Variants in DENND4B observed in about 807,000 individuals in gnomAD.
The protein encoded by DENND4B is DENN domain-containing protein 4B.
DENND4B carries 67 observed loss-of-function variants against 161.0 expected under a neutral mutation model. The observed-to-expected ratio is 0.42, with a 90% CI of 0.34 to 0.51. The LOEUF is 0.51. Ranked by LOEUF, DENND4B falls within the 20% of genes least tolerant of loss-of-function variation. The probability of loss-of-function intolerance (pLI) is 0.08; values close to 1 mark genes in which losing one functional copy is unlikely to be tolerated. For missense variants in DENND4B, 1,481 were observed against 1,968.0 expected (o/e 0.75, Z 4.68); for synonymous variants, 753 against 813.8 (o/e 0.93, Z 1.27).
intron 6 of DENND4B, 90 bp from the exon 7 acceptor site, chr1:153,941,530 G>T: frequency 6.9e-7 from 1 of 1,443,684 alleles, no homozygotes; most frequent in Non-Finnish European, 9.3e-7. Flanking sequence ...TTGTTCTCAA[G>T]AACCTTATTC....
intron 6 of DENND4B, 115 bp from the exon 7 acceptor site, chr1:153,941,555 C>G: frequency 7.8e-7 from 1 of 1,287,472 alleles, no homozygotes; most frequent in Non-Finnish European, 1.1e-6. Flanking sequence ...CTGAACCCCA[C>G]TTTGAGACCT....
intron 6 of DENND4B, 108 bp from the exon 7 acceptor site, chr1:153,941,548 A>T (rs1679672400): frequency 8.1e-6 from 11 of 1,352,112 alleles, no homozygotes; most frequent in Non-Finnish European, 1.0e-5. Flanking sequence ...TTCCTTCCTG[A>T]ACCCCACTTT....
chr1:153,941,551 C>T (rs959145274), intron 6 of DENND4B, 111 bp from the exon 7 acceptor site: 2 of 1,335,322 alleles, frequency 1.5e-6, no homozygotes, highest in African/African-American at 1.5e-5. Context: ...CTTCCTGAAC[C>T]CCACTTTGAG....
At position 153,942,369 on chromosome 1, in the gene DENND4B, C is replaced by G. The variant is rs1161135322; in HGVS notation, c.641-13G>C. On this transcript the variant is annotated splice_polypyrimidine_tract_variant and intron_variant, in intron 4 of 27. Coordinates refer to ENST00000361217, the MANE Select transcript of DENND4B (RefSeq NM_014856.3). The surrounding 1 kb of genome is among the most constrained non-coding windows in gnomAD (Gnocchi z 6.9). ...CGGCCCAGCAGCTCTGCACCCCCAG[C>G]ATAGTTGGGGGTACCCAAAAGGAGC... 1 of 1,607,134 alleles carries G rather than the reference C, an allele frequency of 6.2e-7. No individual in the cohort carries two copies. Among genetic ancestry groups the G allele is most frequent in the South Asian group, 1.1e-5 (1 of 90,266 alleles).
rs942684344 is a variant in DENND4B, at chr1:153,933,547, G to A, written c.3266C>T (p.Ala1089Val). 1.9e-5 allele frequency: 30 copies of A among 1,548,736 alleles called. No homozygotes were observed. Among genetic ancestry groups the A allele is most frequent in the Non-Finnish European group, 2.4e-5 (28 of 1,150,162 alleles). Residue 1089 changes from alanine to valine, a missense_variant, in exon 20 of 28, where the codon GCC becomes GTC. Transcript: ENST00000361217. The surrounding 1 kb of genome is among the most constrained non-coding windows in gnomAD (Gnocchi z 5.7). ...PELPPDLPPP[A>V]RRSPMDSLLH... ...AAGACTGTCCATGGGGCTGCGGCGG[G>A]CTGGGGGTGGCAGGTCAGGAGGCAG...
intron 2 of DENND4B, among the ~76,000 whole-genome samples, chr1:153,943,831 G>A (rs1391908347): frequency 6.6e-6 from 1 of 152,120 alleles, no homozygotes; most frequent in Non-Finnish European, 1.5e-5. Context: ...GCCCAGAGGA[G>A]CTCAAAAACC....
rs752384901 is a variant in DENND4B, at chr1:153,942,331, C to T, written c.666G>A (p.Glu222=). 1.9e-6 allele frequency: 3 copies of T among 1,613,086 alleles called. No homozygotes were observed. The highest frequency in any genetic ancestry group is 1.7e-6 in the Non-Finnish European group (2 of 1,179,574). The change falls in exon 5 of 28, where the codon GAG becomes GAA. Residue 222 remains glutamate (E), a synonymous_variant. Coordinates refer to ENST00000361217, the MANE Select transcript of DENND4B (RefSeq NM_014856.3). This position sits in a 1 kb window ranked among gnomAD's most constrained non-coding sequence, Gnocchi z 6.9. ...EAELLGRYPE[E]DNEAFPLPES... is the part of the protein sequence containing the mutation. ...CGGGCAGCGGGAACGCCTCATTGTC[C>T]TCCTCCGGGTAGCGGCCCAGCAGCT...
chr1:153,940,685 C>A lies in DENND4B; in HGVS notation c.1327-79G>T. 6.5e-7 allele frequency: 1 copy of A among 1,544,400 alleles called. No individual in the cohort carries two copies. On this transcript the variant is annotated intron_variant, in intron 9 of 27. Coordinates refer to ENST00000361217, the MANE Select transcript of DENND4B (RefSeq NM_014856.3). This position sits in a 1 kb window ranked among gnomAD's most constrained non-coding sequence, Gnocchi z 5.6. ...AGGCACAGGAGAGAGAAAGAGAGGG[C>A]ATTGGCCTTGGGGAGTTGGTGCCTG...
chr1:153,938,763 A>G, intron 13 of DENND4B, 137 bp downstream of exon 13: 1 of 455,678 alleles, frequency 2.2e-6, no homozygotes, highest in Non-Finnish European at 3.5e-6. Context: ...ATAAATAAAT[A>G]AATAAAATAA....
At chr1:153,938,588 G>T (rs1438710982) in intron 13 of DENND4B, among the ~76,000 whole-genome samples, 3 of 151,488 alleles carry the variant, frequency 2.0e-5, no homozygotes, top group Non-Finnish European at 4.4e-5. Flanking sequence ...TGTAGTCTCA[G>T]CTACTTAGGA....
In DENND4B at chr1:153,936,822, T is replaced by C. The variant is rs1571044819; in HGVS notation, c.2233-74A>G. ...CTTACTTATCTATTTATTTATTTAT[T>C]TATGACGGTCTCGCTCTGTCACCCA... On this transcript the variant is annotated intron_variant, in intron 15 of 27. Coordinates refer to ENST00000361217, the MANE Select transcript of DENND4B (RefSeq NM_014856.3). The surrounding 1 kb of genome is among the most constrained non-coding windows in gnomAD (Gnocchi z 4.1). The C allele has an allele frequency of 5.2e-6, 7 of 1,357,840 alleles. No individual in the cohort carries two copies. In the East Asian group the frequency reaches 1.9e-4, roughly 36 times the overall value. The allele number at this position is 1,357,840 out of a possible 1,614,324, so 84.1% of individuals were successfully genotyped here. A position where few individuals can be genotyped will look rare whatever the true frequency, so the allele number is the denominator to read the frequency against.
chr1:153,943,175 G>A (rs1225580355), intron 2 of DENND4B, 45 bp from the exon 3 acceptor site: 4 of 1,571,204 alleles, frequency 2.5e-6, no homozygotes, highest in Admixed American at 1.7e-5. Context: ...TCAGGGTAGA[G>A]GACAAAGACC....
chr1:153,939,493 G>T, intron 12 of DENND4B, 96 bp downstream of exon 12: 1 of 1,342,988 alleles, frequency 7.4e-7, no homozygotes, highest in Non-Finnish European at 1.0e-6. Flanking sequence ...ATAAACAATG[G>T]AGTGGCTCCC....
At chr1:153,939,105 T>C (rs1220992100) in intron 12 of DENND4B, 60 bp from the exon 13 acceptor site, 18 of 1,577,788 alleles carry the variant, frequency 1.1e-5, no homozygotes, top group Non-Finnish European at 1.4e-5. Flanking sequence ...ACCACAGCCA[T>C]AGCTTTTTTG....
At position 153,932,413 on chromosome 1, in the gene DENND4B, C is replaced by A. The variant is rs765609622; in HGVS notation, c.3787G>T (p.Ala1263Ser). ...GGASRRVESG[A>S]WAYLSPLVLR... is the part of the protein sequence containing the mutation. The stretch of plus-strand genomic sequence containing the variant: ...ACCAGGGGGCTCAGGTATGCCCATG[C>A]CCCACTCTCAACCCGCCGGGAGGCT... The change falls in exon 24 of 28, where the codon GCA becomes TCA. Residue 1263 changes from alanine to serine, a missense_variant. Physicochemically the swap from Ala to Ser is moderately conservative, Grantham distance 99. Transcript: ENST00000361217. This position sits in a 1 kb window ranked among gnomAD's most constrained non-coding sequence, Gnocchi z 5.8. 3.1e-5 allele frequency: 50 copies of A among 1,612,116 alleles called. No individual in the cohort carries two copies. Among genetic ancestry groups the A allele is most frequent in the African/African-American group, 1.3e-5 (1 of 74,908 alleles).
rs1158138268 is a variant in DENND4B, at chr1:153,937,109, G to C, written c.2233-361C>G. Among the ~76,000 whole-genome samples the C allele has an allele frequency of 1.3e-5, 2 of 152,196 alleles. No homozygotes were observed. The highest frequency in any genetic ancestry group is 1.5e-5 in the Non-Finnish European group (1 of 68,026). On this transcript the variant is annotated intron_variant, in intron 15 of 27. Transcript: ENST00000361217. This position sits in a 1 kb window ranked among gnomAD's most constrained non-coding sequence, Gnocchi z 4.7. ...CAGGACAGACCCTAAAGTGGTGTGG[G>C]AAGAAGTAGCACCTTCTCTGAGGAA...
rs1184813194 is a variant in DENND4B at position 153,936,279 on chromosome 1, T to C, written c.2440-91A>G. 6.7e-7 allele frequency: 1 copy of C among 1,500,898 alleles called. No individual in the cohort carries two copies. Among genetic ancestry groups the C allele is most frequent in the East Asian group, 2.5e-5 (1 of 40,516 alleles). The allele number at this position is 1,500,898 out of a possible 1,614,324, so 93.0% of individuals were successfully genotyped here. On this transcript the variant is annotated intron_variant, in intron 16 of 27. Transcript: ENST00000361217. This position sits in a 1 kb window ranked among gnomAD's most constrained non-coding sequence, Gnocchi z 4.1. ...CACCCTCTTCCTGCCTCCCCAATTCTCACAGACATCACTGGCCCCTGGCAG... is the reference window on the plus strand; with the variant it reads ...CACCCTCTTCCTGCCTCCCCAATTCCCACAGACATCACTGGCCCCTGGCAG...
Position 153,930,937 on chromosome 1 carries a change from C to T in DENND4B, c.4114+10G>A, listed in dbSNP as rs761608952. ...CCACCCTCCCCACCCAGGCCAAATA[C>T]CAGACTCACTGTGGACCCTCCAGAG... On this transcript the variant is annotated intron_variant, in intron 25 of 27. Coordinates refer to ENST00000361217, the MANE Select transcript of DENND4B (RefSeq NM_014856.3). The surrounding 1 kb of genome is among the most constrained non-coding windows in gnomAD (Gnocchi z 4.7). 4 of 802,402 alleles carry T rather than the reference C, an allele frequency of 5.0e-6. No individual in the cohort carries two copies. The highest frequency in any genetic ancestry group is 7.9e-6 in the Non-Finnish European group (4 of 504,558). The allele number at this position is 802,402 out of a possible 1,614,324, so 49.7% of individuals were successfully genotyped here.
At chr1:153,935,564 C>A (rs974551456) in intron 17 of DENND4B, among the ~76,000 whole-genome samples, 2 of 152,222 alleles carry the variant, frequency 1.3e-5, no homozygotes, top group African/African-American at 4.8e-5. Context: ...CCAGGCTGGT[C>A]TCGAACTCCT....
Sources: allele counts gnomAD v4.1 joint callset (sites outside exome capture counted in the v4.1 genomes callset), GRCh38; gene constraint gnomAD v4.1.1; non-coding constraint Gnocchi (gnomAD v3.1); transcripts MANE v1.5; gene names NCBI Gene and HGNC (gene_info 2026-07-23, HGNC 2026-07-21).